RBMS3: variants seen among roughly 807,000 people sequenced by gnomAD.
RBMS3 encodes the protein RNA binding motif single stranded interacting protein 3.
In RBMS3, 27 loss-of-function variants were observed where a neutral mutation model predicts 66.8. That is an observed-to-expected ratio of 0.40 (90% CI 0.30 to 0.56). The LOEUF is 0.56. Ranked by LOEUF, RBMS3 falls within the 20% of genes least tolerant of loss-of-function variation. The pLI, the probability that RBMS3 is intolerant of heterozygous loss-of-function variation, is 0.40. For missense variants in RBMS3, 513 were observed against 549.5 expected, an observed-to-expected ratio of 0.93 and a Z score of 0.66; for synonymous variants, 188 against 183.0, an observed-to-expected ratio of 1.03 and a Z score of -0.22.
At chr3:29,537,610 G>GCCTCT (rs1328493949) in intron 3 of RBMS3, 2 of 152,068 alleles carry the variant, frequency 1.3e-5, no homozygotes, top group Admixed American at 6.6e-5. Flanking sequence ...GGATCACAAG[G>GCCTCT]TCAGGAGACC....
chr3:29,335,588 A>G (rs2035899134), intron 1 of RBMS3, among the ~76,000 whole-genome samples: 1 of 152,210 alleles, frequency 6.6e-6, no homozygotes, highest in Admixed American at 6.5e-5. Context: ...GCCTGGTGCC[A>G]AAGCTCTTCT....
At chr3:29,445,758 G>T (rs1575834345) in intron 2 of RBMS3, among the ~76,000 whole-genome samples, 1 of 152,068 alleles carries the variant, frequency 6.6e-6, no homozygotes, top group East Asian at 1.9e-4. Context: ...TCCTTAAAAA[G>T]AAAATTTTAA....
intron 1 of RBMS3, among the ~76,000 whole-genome samples, chr3:29,404,689 G>A (rs911160908): frequency 1.3e-5 from 2 of 152,068 alleles, no homozygotes. Flanking sequence ...ATCATGATGA[G>A]TTAGCAGGTT....
rs2052650522 is a variant in RBMS3, at chr3:29,702,399, TGTA to T, written c.400-37320_400-37318del. Among the ~76,000 whole-genome samples the T allele has an allele frequency of 2.6e-5, 4 of 152,258 alleles. No homozygotes were observed. In the East Asian group the frequency reaches 7.7e-4, roughly 29 times the overall value. On this transcript the variant is annotated intron_variant, in intron 4 of 14. Transcript: ENST00000383767. ...CTGTTAAACAGACCAATCAGGTCTC[TGTA>T]AAATGGACCAATCAGCAGGATGTGG... is the stretch of plus-strand genomic sequence containing the variant.
At chr3:29,774,207 A>G (rs1040539272) in intron 6 of RBMS3, among the ~76,000 whole-genome samples, 8 of 151,972 alleles carry the variant, frequency 5.3e-5, no homozygotes, top group African/African-American at 1.9e-4. Flanking sequence ...AATTCCTCAA[A>G]TTCCCTCACT....
At chr3:29,690,622 T>C (rs748253413) in intron 4 of RBMS3, among the ~76,000 whole-genome samples, 2 of 152,252 alleles carry the variant, frequency 1.3e-5, no homozygotes, top group African/African-American at 2.4e-5. Flanking sequence ...ACATTCATGT[T>C]GCCAAGAGTT....
chr3:29,971,094 T>C (rs1457584890), intron 12 of RBMS3, among the ~76,000 whole-genome samples: 2 of 152,020 alleles, frequency 1.3e-5, no homozygotes, highest in Non-Finnish European at 2.9e-5. Context: ...TCCAGTGTCT[T>C]CTCTCTTCCC....
At chr3:29,952,960 G>A (rs556660550) in intron 12 of RBMS3, among the ~76,000 whole-genome samples, 1 of 151,822 alleles carries the variant, frequency 6.6e-6, no homozygotes, top group South Asian at 2.1e-4. Context: ...TGAGATACTT[G>A]TTCTGGAGGG....
intron 1 of RBMS3, among the ~76,000 whole-genome samples, chr3:29,384,988 G>GA (rs1484833056): frequency 6.6e-6 from 1 of 151,980 alleles, no homozygotes; most frequent in African/African-American, 2.4e-5. Context: ...GGTTAAAAAA[G>GA]AAATGTGTTG....
chr3:29,685,216 G>A (rs1257514201), intron 4 of RBMS3, among the ~76,000 whole-genome samples: 9 of 151,570 alleles, frequency 5.9e-5, no homozygotes, highest in Admixed American at 1.3e-4. Flanking sequence ...CCGCCACCAC[G>A]CCCAGCTAAT....
chr3:29,462,065 G>A (rs1199159222), intron 2 of RBMS3, among the ~76,000 whole-genome samples: 4 of 150,926 alleles, frequency 2.7e-5, no homozygotes, highest in Non-Finnish European at 2.9e-5. Context: ...GTGAGCCACC[G>A]CGCCCGGCTC....
intron 1 of RBMS3, among the ~76,000 whole-genome samples, chr3:29,431,277 G>GTTTC (rs78955518): frequency 7.0e-6 from 1 of 141,864 alleles, no homozygotes; most frequent in Non-Finnish European, 1.5e-5. Flanking sequence ...TGAGAAAAAT[G>GTTTC]TTTCTTTCTT....
intron 12 of RBMS3, among the ~76,000 whole-genome samples, chr3:29,960,397 T>G (rs184842530): frequency 6.6e-6 from 1 of 152,272 alleles, no homozygotes; most frequent in Admixed American, 6.5e-5. Context: ...CCCCTCCCAA[T>G]TGCTTTCACA....
intron 3 of RBMS3, among the ~76,000 whole-genome samples, chr3:29,520,609 G>A (rs967112469): frequency 7.2e-5 from 11 of 152,028 alleles, no homozygotes; most frequent in South Asian, 2.1e-4. Flanking sequence ...TCTTCATTTC[G>A]ATACATATAG....
intron 5 of RBMS3, among the ~76,000 whole-genome samples, chr3:29,761,250 T>A (rs2055673554): frequency 6.6e-6 from 1 of 152,080 alleles, no homozygotes; most frequent in Non-Finnish European, 1.5e-5. Flanking sequence ...TACAGAAAGA[T>A]GCACTCTCAT....
At chr3:29,477,465 A>AAACT (rs1373357065) in intron 2 of RBMS3, among the ~76,000 whole-genome samples, 1 of 152,052 alleles carries the variant, frequency 6.6e-6, no homozygotes, top group African/African-American at 2.4e-5. Context: ...ACAAACAAAC[A>AAACT]AACAAACAAA....
At chr3:29,817,240 T>G (rs1576897042) in intron 6 of RBMS3, among the ~76,000 whole-genome samples, 1 of 133,284 alleles carries the variant, frequency 7.5e-6, no homozygotes, top group Non-Finnish European at 1.5e-5. Flanking sequence ...CAGGCTGGAG[T>G]GCAATGGCAC....
chr3:29,358,584 A>G (rs2037369119), intron 1 of RBMS3, among the ~76,000 whole-genome samples: 1 of 152,194 alleles, frequency 6.6e-6, no homozygotes, highest in African/African-American at 2.4e-5. Context: ...TCTGTGAAGA[A>G]AGTCATTGGT....
chr3:29,591,194 G>A (rs1325633408), intron 4 of RBMS3, among the ~76,000 whole-genome samples: 1 of 152,144 alleles, frequency 6.6e-6, no homozygotes, highest in East Asian at 1.9e-4. Context: ...AAGGTGACAT[G>A]CATACATACA....
Sources: gnomAD v4.1 joint callset for allele counts (sites outside exome capture counted in the v4.1 genomes callset) on GRCh38, gnomAD v4.1.1 for gene constraint, MANE v1.5 for transcripts, NCBI Gene and HGNC (gene_info 2026-07-23, HGNC 2026-07-21) for gene names.